The following GMEB2 variants were observed in gnomAD, a reference collection of about 807,000 sequenced individuals.
GMEB2 encodes glucocorticoid modulatory element binding protein 2.
In GMEB2, 7 loss-of-function variants were observed where a neutral mutation model predicts 45.7. That is an observed-to-expected ratio of 0.15 (90% CI 0.09 to 0.29). The LOEUF is 0.29. Ranked by LOEUF, GMEB2 falls within the 10% of genes least tolerant of loss-of-function variation. GMEB2 has a pLI of 1.00. For synonymous variants in GMEB2, 322 were observed against 323.6 expected, an observed-to-expected ratio of 1.00 and a Z score of 0.05; for missense variants, 582 against 739.2, an observed-to-expected ratio of 0.79 and a Z score of 2.47.
intron 5 of GMEB2, 57 bp from the exon 6 acceptor site, chr20:63,595,824 G>A (rs2083194446): frequency 6.4e-7 from 1 of 1,557,154 alleles, no homozygotes; most frequent in Non-Finnish European, 8.8e-7. Flanking sequence ...AAGGCACCTG[G>A]CCCGCCCACC....
intron 2 of GMEB2, among the ~76,000 whole-genome samples, chr20:63,612,091 C>T (rs2146083614): frequency 6.6e-6 from 1 of 152,294 alleles, no homozygotes; most frequent in Admixed American, 6.5e-5. Context: ...TCCAGTTTCT[C>T]CACTGGCAAA....
chr20:63,626,760 CCACCGCCCG>C (rs2089677553), intron 1 of GMEB2, among the ~76,000 whole-genome samples, 187 bp downstream of exon 1: 1 of 147,152 alleles, frequency 6.8e-6, no homozygotes, highest in African/African-American at 2.4e-5. Context: ...CCCGCGCCCG[CCACCGCCCG>C]CGCCGCCCGC....
rs1268174785 is a variant in GMEB2, at chr20:63,587,857, A to G, written c.*2232T>C. 1 of 152,388 alleles carries G rather than the reference A, an allele frequency of 6.6e-6. No homozygotes were observed. Among genetic ancestry groups the G allele is most frequent in the East Asian group, 1.9e-4 (1 of 5,286 alleles). The allele number at this position is 152,388 out of a possible 1,614,324, so 9.4% of individuals were successfully genotyped here. A position where few individuals can be genotyped will look rare whatever the true frequency, so the allele number is the denominator to read the frequency against. On this transcript the variant is annotated 3_prime_UTR_variant, in exon 10 of 10. Coordinates refer to ENST00000370077, the MANE Select transcript of GMEB2 (RefSeq NM_012384.5). ...GTACTGGCTGGCCCCAAGGCGCAGA[A>G]CTGGGAGGTCCAGGGAACCCTGCCC...
At position 63,597,821 on chromosome 20, in the gene GMEB2, G is replaced by A. The variant is rs751364759; in HGVS notation, c.397C>T (p.Leu133=). ...TCCTTCAGGGTGGACTTCCCGGCCA[G>A]GTGCACAAATTCCTTTGGGCTGATT... The part of the protein sequence containing the change: ...HVISPKEFVH[L]AGKSTLKDWK... Residue 133 remains leucine (L), a synonymous_variant, in exon 5 of 10, where the codon CTG becomes TTG. Coordinates refer to ENST00000370077, the MANE Select transcript of GMEB2 (RefSeq NM_012384.5). 1 of 1,611,290 alleles carries A rather than the reference G, an allele frequency of 6.2e-7. No homozygotes were observed. The highest frequency in any genetic ancestry group is 1.7e-5 in the Admixed American group (1 of 60,032).
At chr20:63,604,878 C>A (rs1182083208) in intron 2 of GMEB2, 38 bp from the exon 3 acceptor site, 1 of 1,184,502 alleles carries the variant, frequency 8.4e-7, no homozygotes, top group Admixed American at 1.7e-5. Flanking sequence ...GAATCAGGAT[C>A]CCGGAGGGCA....
Position 63,619,192 on chromosome 20 carries a change from G to T in GMEB2, c.131+75C>A, listed in dbSNP as rs949185097. ...AATCCTGACACTTGTCCCTTACTAC[G>T]TTAATGCCAGCTGTGCCAAGGACAG... On this transcript the variant is annotated intron_variant, in intron 2 of 9. Coordinates refer to ENST00000370077, the MANE Select transcript of GMEB2 (RefSeq NM_012384.5). The surrounding 1 kb of genome is among the most constrained non-coding windows in gnomAD (Gnocchi z 4.6). 4 of 1,396,884 alleles carry T rather than the reference G, an allele frequency of 2.9e-6. No individual in the cohort carries two copies. The highest frequency in any genetic ancestry group is 3.8e-6 in the Non-Finnish European group (4 of 1,047,452). 86.5% of individuals were successfully genotyped at this position (1,396,884 alleles called of 1,614,324 possible).
At chr20:63,614,864 T>C (rs2089596943) in intron 2 of GMEB2, among the ~76,000 whole-genome samples, 1 of 152,138 alleles carries the variant, frequency 6.6e-6, no homozygotes, top group Non-Finnish European at 1.5e-5. Context: ...TGACCTTACC[T>C]ATCACTGGAC....
intron 4 of GMEB2, among the ~76,000 whole-genome samples, chr20:63,598,616 G>C (rs1601011281): frequency 6.6e-6 from 1 of 152,128 alleles, no homozygotes; most frequent in Non-Finnish European, 1.5e-5. Flanking sequence ...CCCCCGGGCC[G>C]TGCCCAAGTC....
chr20:63,597,648 TCAC>T (rs2146056082), intron 5 of GMEB2, 106 bp downstream of exon 5: 3 of 694,442 alleles, frequency 4.3e-6, no homozygotes, highest in Non-Finnish European at 5.2e-6. Flanking sequence ...TTGTCAGCAC[TCAC>T]CACATCTAAA....
chr20:63,590,764 CGGGGGCATGGAT>C, intron 9 of GMEB2, 35 bp from the exon 10 acceptor site: 1 of 1,360,842 alleles, frequency 7.3e-7, no homozygotes, highest in Non-Finnish European at 9.8e-7. Flanking sequence ...ACACAGGGGA[CGGGGGCATGGAT>C]GGCGGCATGC....
chr20:63,608,329 A>C (rs1290469629), intron 2 of GMEB2, among the ~76,000 whole-genome samples: 1 of 1,934 alleles, frequency 5.2e-4, no homozygotes, highest in Admixed American at 1.7e-3. Context: ...CTGACCCCAC[A>C]TCCATTTCTA....
Position 63,606,473 on chromosome 20 carries a change from G to A in GMEB2, c.132-1633C>T, listed in dbSNP as rs368978166. Among the ~76,000 whole-genome samples, 16 of 151,042 alleles carry A rather than the reference G, an allele frequency of 1.1e-4. No homozygotes were observed. The South Asian group carries it at 3.1e-3, about 30-fold the overall frequency. ...CACCATTCTCCTGCCTCAGCCTCCC[G>A]AGTAGCTGGGACTACAGGCGCCCGC... is the stretch of plus-strand genomic sequence containing the variant. On this transcript the variant is annotated intron_variant, in intron 2 of 9. Transcript: ENST00000370077.
intron 2 of GMEB2, among the ~76,000 whole-genome samples, chr20:63,606,861 G>C (rs1055650974): frequency 2.6e-5 from 4 of 152,170 alleles, no homozygotes; most frequent in African/African-American, 9.7e-5. Flanking sequence ...ACAGAAACCA[G>C]TACATGAGGC....
At chr20:63,612,680 G>A (rs1035394729) in intron 2 of GMEB2, among the ~76,000 whole-genome samples, 26 of 152,292 alleles carry the variant, frequency 1.7e-4, no homozygotes, top group African/African-American at 5.3e-4. Context: ...GTGGGCTTAC[G>A]GGGCAAAGAA....
intron 2 of GMEB2, among the ~76,000 whole-genome samples, chr20:63,617,653 C>T (rs868083275): frequency 2.4e-4 from 36 of 151,436 alleles, no homozygotes; most frequent in African/African-American, 7.6e-4. Context: ...TCCCGGCAGC[C>T]GCGGCCACGG....
intron 4 of GMEB2, among the ~76,000 whole-genome samples, chr20:63,601,810 T>C (rs2083243373): frequency 6.6e-6 from 1 of 151,948 alleles, no homozygotes; most frequent in Non-Finnish European, 1.5e-5. Flanking sequence ...CTGTGGGGCC[T>C]GTGGCTTCTG....
In GMEB2 at chr20:63,619,120, C is replaced by T; in HGVS notation, c.131+147G>A. 1.3e-6 allele frequency: 1 copy of T among 750,344 alleles called. No individual in the cohort carries two copies. Among genetic ancestry groups the T allele is most frequent in the Non-Finnish European group, 2.0e-6 (1 of 497,822 alleles). The allele number at this position is 750,344 out of a possible 1,614,324, so 46.5% of individuals were successfully genotyped here. On this transcript the variant is annotated intron_variant, in intron 2 of 9. Transcript: ENST00000370077. This position sits in a 1 kb window ranked among gnomAD's most constrained non-coding sequence, Gnocchi z 4.6. ...CATTTCTGCTTTTCTTCGCTCTCTA[C>T]TTACACACACATTTGAGTCCAGTCT...
chr20:63,626,401 ATCGCGTCCCTGCGGGTCGGGTGCC>A lies in GMEB2; in HGVS notation c.-58+531_-58+554del, dbSNP rs2089672948. Among the ~76,000 whole-genome samples the A allele has an allele frequency of 1.3e-3, 18 of 13,766 alleles. 1 individual carries two copies. In the South Asian group the frequency reaches 0.039, roughly 30 times the overall value. The allele number at this position is 13,766 out of a possible 152,430, so 9.0% of individuals were successfully genotyped here. Reference sequence around the variant, plus strand: ...GGTGCCTGCGGGGTGGCCCCTGGGGATCGCGTCCCTGCGGGTCGGGTGCCTGCGGGGTGGCCCCTGGGGATCGCG... The same window carrying A: ...GGTGCCTGCGGGGTGGCCCCTGGGGATGCGGGGTGGCCCCTGGGGATCGCG... On this transcript the variant is annotated intron_variant, in intron 1 of 9. Transcript: ENST00000370077.
chr20:63,600,038 C>A (rs936322506), intron 4 of GMEB2, among the ~76,000 whole-genome samples: 1 of 150,232 alleles, frequency 6.7e-6, no homozygotes, highest in African/African-American at 2.4e-5. Flanking sequence ...GCCTTTATTG[C>A]AAAAAAAAAA....
Sources: allele counts gnomAD v4.1 joint callset (sites outside exome capture counted in the v4.1 genomes callset), GRCh38; gene constraint gnomAD v4.1.1; non-coding constraint Gnocchi (gnomAD v3.1); transcripts MANE v1.5; gene names NCBI Gene and HGNC (gene_info 2026-07-23, HGNC 2026-07-21).